CTNNA2: variants seen among roughly 807,000 people sequenced by gnomAD.
The protein encoded by CTNNA2 is catenin alpha 2, also known as catenin alpha-2.
Under a neutral mutation model 101.0 loss-of-function variants are expected in CTNNA2, and 42 were observed. The observed-to-expected ratio is 0.42, with a 90% confidence interval of 0.32 to 0.54. CTNNA2 has a LOEUF of 0.54. CTNNA2 is among the 20% of genes least tolerant of loss of function. CTNNA2 has a pLI of 0.14. For synonymous variants in CTNNA2, 450 were observed against 456.4 expected (o/e 0.99, Z 0.18); for missense variants, 871 against 1,223.1 (o/e 0.71, Z 4.29).
intron 2 of CTNNA2, among the ~76,000 whole-genome samples, chr2:79,264,423 T>TA (rs1674964137): frequency 6.6e-6 from 1 of 151,994 alleles, no homozygotes; most frequent in African/African-American, 2.4e-5. Context: ...CTAATTTTTT[T>TA]ATAAAAAGTT....
intron 3 of CTNNA2, among the ~76,000 whole-genome samples, chr2:79,798,515 AG>A (rs1675897011): frequency 1.3e-5 from 2 of 150,534 alleles, no homozygotes; most frequent in African/African-American, 4.9e-5. Context: ...GAAGCACTGG[AG>A]TGAAACCAGT....
intron 17 of CTNNA2, among the ~76,000 whole-genome samples, chr2:80,610,687 A>G (rs1273876915): frequency 1.3e-5 from 2 of 151,670 alleles, no homozygotes; most frequent in Admixed American, 6.6e-5. Flanking sequence ...CAAAACAGAG[A>G]GCCACGTTTT....
intron 3 of CTNNA2, among the ~76,000 whole-genome samples, chr2:79,363,069 G>A (rs139844667): frequency 1.3e-5 from 2 of 152,320 alleles, no homozygotes; most frequent in African/African-American, 4.8e-5. Context: ...TAACTCCTCT[G>A]TGTTAACTTA....
At position 79,622,451 on chromosome 2, in the gene CTNNA2, C is replaced by T. The variant is rs970591193; in HGVS notation, c.-5-29101C>T. Among the ~76,000 whole-genome samples the T allele has an allele frequency of 7.2e-5, 11 of 152,138 alleles. No homozygotes were observed. The East Asian group carries it at 1.9e-3, about 27-fold the overall frequency. Reference sequence around the variant, plus strand: ...AAAGAGGAAGAATTTATGTAATGATCCTTTAAATTGTGATGAAAATATGGT... The same window carrying T: ...AAAGAGGAAGAATTTATGTAATGATTCTTTAAATTGTGATGAAAATATGGT... On this transcript the variant is annotated intron_variant, in intron 1 of 18. Coordinates refer to ENST00000402739, the MANE Select transcript of CTNNA2 (RefSeq NM_001282597.3).
intron 9 of CTNNA2, among the ~76,000 whole-genome samples, chr2:80,461,078 T>G (rs1260483280): frequency 6.6e-6 from 1 of 152,214 alleles, no homozygotes; most frequent in Non-Finnish European, 1.5e-5. Context: ...CCACTACTGA[T>G]TCTGACAAAG....
chr2:79,457,754 G>A (rs1430433022), intron 4 of CTNNA2, among the ~76,000 whole-genome samples: 1 of 152,110 alleles, frequency 6.6e-6, no homozygotes, highest in Non-Finnish European at 1.5e-5. Context: ...TTGTTCATTG[G>A]GTTAACGAAG....
intron 1 of CTNNA2, among the ~76,000 whole-genome samples, chr2:79,185,779 G>A (rs1267706010): frequency 6.6e-6 from 1 of 152,030 alleles, no homozygotes; most frequent in Non-Finnish European, 1.5e-5. Flanking sequence ...TGGTCATTTG[G>A]GGATGTTAGA....
At chr2:80,074,550 A>T (rs1287165493) in intron 7 of CTNNA2, among the ~76,000 whole-genome samples, 2 of 152,150 alleles carry the variant, frequency 1.3e-5, no homozygotes, top group Non-Finnish European at 2.9e-5. Flanking sequence ...TAGAGGGCTT[A>T]TACATGGCAA....
intron 3 of CTNNA2, among the ~76,000 whole-genome samples, chr2:79,329,380 A>T (rs1676819684): frequency 6.6e-6 from 1 of 152,168 alleles, no homozygotes. Context: ...GAAGGGAATG[A>T]TGTAGAATAC....
intron 17 of CTNNA2, 119 bp downstream of exon 17, chr2:80,608,437 T>C: frequency 9.5e-7 from 1 of 1,053,694 alleles, no homozygotes; most frequent in East Asian, 2.6e-5. Flanking sequence ...GGAGGGCTTT[T>C]TTTAAATAAA....
chr2:79,800,719 A>G (rs1248634084), intron 3 of CTNNA2, among the ~76,000 whole-genome samples: 1 of 152,182 alleles, frequency 6.6e-6, no homozygotes, highest in Non-Finnish European at 1.5e-5. Context: ...AGGCAGGAGC[A>G]GAAGAGGAAG....
intron 1 of CTNNA2, among the ~76,000 whole-genome samples, chr2:79,603,340 A>C (rs937688677): frequency 3.9e-5 from 6 of 152,196 alleles, no homozygotes; most frequent in Non-Finnish European, 7.3e-5. Flanking sequence ...TTAGGGAAGG[A>C]TTTCGTTCAT....
At chr2:79,829,655 G>T (rs1014700087) in intron 3 of CTNNA2, among the ~76,000 whole-genome samples, 2 of 151,866 alleles carry the variant, frequency 1.3e-5, no homozygotes, top group African/African-American at 4.8e-5. Context: ...TTAAAAAAGA[G>T]GAGTGCGTAT....
At chr2:79,541,725 C>G (rs1256687612) in intron 1 of CTNNA2, among the ~76,000 whole-genome samples, 5 of 124,912 alleles carry the variant, frequency 4.0e-5, no homozygotes, top group Non-Finnish European at 9.1e-5. Context: ...CTCCTGGGGT[C>G]AAGCAATTCT....
intron 7 of CTNNA2, among the ~76,000 whole-genome samples, chr2:80,229,256 G>T (rs1709059493): frequency 6.6e-6 from 1 of 152,060 alleles, no homozygotes; most frequent in African/African-American, 2.4e-5. Flanking sequence ...ACTCAATTCT[G>T]GTGCTAGCTA....
chr2:79,930,082 C>A (rs549129236), intron 7 of CTNNA2, among the ~76,000 whole-genome samples: 1 of 151,770 alleles, frequency 6.6e-6, no homozygotes, highest in Non-Finnish European at 1.5e-5. Context: ...ACTAAAAATA[C>A]AAAAATTAGC....
intron 2 of CTNNA2, among the ~76,000 whole-genome samples, chr2:79,279,899 A>G (rs1008342602): frequency 3.9e-5 from 6 of 152,126 alleles, no homozygotes; most frequent in Non-Finnish European, 7.4e-5. Flanking sequence ...TTGAATGTCA[A>G]TGAAGTTTTA....
At position 79,237,853 on chromosome 2, in the gene CTNNA2, A is replaced by G. The variant is rs1392411223; in HGVS notation, c.-406+39777A>G. On this transcript the variant is annotated intron_variant, in intron 2 of 21. Coordinates refer to the CTNNA2 transcript ENST00000466387. ...GAGTTAGGTCTTTTCTCTGGATTAGACTTTGGTTTACGGGAATGTTGTGGC... is the reference window on the plus strand; with the variant it reads ...GAGTTAGGTCTTTTCTCTGGATTAGGCTTTGGTTTACGGGAATGTTGTGGC... 1.3e-5 allele frequency among the ~76,000 whole-genome samples: 2 copies of G among 152,120 alleles called. 1 individual carries two copies. Among genetic ancestry groups the G allele is most frequent in the Non-Finnish European group, 2.9e-5 (2 of 68,024 alleles).
intron 4 of CTNNA2, among the ~76,000 whole-genome samples, chr2:79,386,152 T>C (rs115544113): frequency 1.5e-3 from 221 of 152,240 alleles, no homozygotes; most frequent in Non-Finnish European, 2.7e-3. Context: ...CCACTAAGAG[T>C]GTAAAAGCGT....
Sources: gnomAD v4.1 joint callset for allele counts (sites outside exome capture counted in the v4.1 genomes callset) on GRCh38, gnomAD v4.1.1 for gene constraint, MANE v1.5 for transcripts, NCBI Gene and HGNC (gene_info 2026-07-23, HGNC 2026-07-21) for gene names.